The following DYNLRB1 variants were observed in gnomAD, a reference collection of about 807,000 sequenced individuals.
DYNLRB1 encodes dynein light chain roadblock-type 1, also known as ROBL/LC7-like 1.
Under a neutral mutation model 13.5 loss-of-function variants are expected in DYNLRB1, and 6 were observed. That is an observed-to-expected ratio of 0.44 (90% CI 0.24 to 0.88). DYNLRB1 has a LOEUF of 0.88. DYNLRB1 is among the 40% of genes least tolerant of loss of function. The pLI, the probability that DYNLRB1 is intolerant of heterozygous loss-of-function variation, is 0.21. For synonymous variants in DYNLRB1, 43 were observed against 45.0 expected (o/e 0.96, Z 0.18); for missense variants, 93 against 127.2 (o/e 0.73, Z 1.29).
intron 3 of DYNLRB1, 21 bp downstream of exon 3, chr20:34,534,816 C>G (rs1217261616): frequency 6.2e-7 from 1 of 1,613,874 alleles, no homozygotes; most frequent in Non-Finnish European, 8.5e-7. Flanking sequence ...TTCTACCTCC[C>G]CATGTAGGAA....
rs1443005986 is a variant in DYNLRB1, at chr20:34,528,185, G to A, written c.79+1842G>A. 3.3e-5 allele frequency among the ~76,000 whole-genome samples: 3 copies of A among 91,222 alleles called. 1 individual carries two copies. The highest frequency in any genetic ancestry group is 7.0e-5 in the Non-Finnish European group (3 of 42,936). 59.8% of individuals were successfully genotyped at this position (91,222 alleles called of 152,430 possible). A position where few individuals can be genotyped will look rare whatever the true frequency, so the allele number is the denominator to read the frequency against. Reference sequence around the variant, plus strand: ...AAATTAGCCGGGCGTAGTGGCGGGCGCCTGTAGTCCCAGCTACTTGGGAGG... The same window carrying A: ...AAATTAGCCGGGCGTAGTGGCGGGCACCTGTAGTCCCAGCTACTTGGGAGG... On this transcript the variant is annotated intron_variant, in intron 2 of 3. Transcript: ENST00000357156.
At chr20:34,526,561 G>A (rs1980242765) in intron 2 of DYNLRB1, 2 of 523,326 alleles carry the variant, frequency 3.8e-6, no homozygotes, top group Non-Finnish European at 6.7e-6. Context: ...AAAGAAATCG[G>A]TAACTGGTTG....
At chr20:34,516,398 G>A (rs1194403439), upstream of DYNLRB1, 24 of 1,600,228 alleles carry the variant, frequency 1.5e-5, no homozygotes, top group Non-Finnish European at 2.0e-5. Context: ...CTTTGCGCAG[G>A]CGCAGAAAGG....
chr20:34,534,512 C>T lies in DYNLRB1; in HGVS notation c.80-116C>T, dbSNP rs909897160. On this transcript the variant is annotated intron_variant, in intron 2 of 3. Transcript: ENST00000357156. The stretch of plus-strand genomic sequence containing the variant: ...TGCCTGTCACATAGCAAGCCCTCTG[C>T]GGATGGTGGCATTGACTGAGAACTG... 2.4e-5 allele frequency: 31 copies of T among 1,289,428 alleles called. No homozygotes were observed. The African/African-American group carries it at 2.7e-4, about 11-fold the overall frequency. 79.9% of individuals were successfully genotyped at this position (1,289,428 alleles called of 1,614,324 possible). A position where few individuals can be genotyped will look rare whatever the true frequency, so the allele number is the denominator to read the frequency against.
chr20:34,530,094 C>T lies in DYNLRB1; in HGVS notation c.79+3751C>T, dbSNP rs939854893. The T allele has an allele frequency of 5.7e-6, 7 of 1,238,068 alleles. No homozygotes were observed. In the African/African-American group the frequency reaches 1.1e-4, roughly 19 times the overall value. 76.7% of individuals were successfully genotyped at this position (1,238,068 alleles called of 1,614,324 possible). A position where few individuals can be genotyped will look rare whatever the true frequency, so the allele number is the denominator to read the frequency against. On this transcript the variant is annotated intron_variant, in intron 2 of 3. Transcript: ENST00000357156. ...ACATTTTGACTCCAAGGAGACAACC[C>T]CAGGGGCCAACAGCCCCAGCTGTGA...
At chr20:34,539,409 G>A (rs1981412791) in intron 3 of DYNLRB1, among the ~76,000 whole-genome samples, 1 of 152,198 alleles carries the variant, frequency 6.6e-6, no homozygotes, top group East Asian at 1.9e-4. Flanking sequence ...GCTGGGTGTG[G>A]TTGCTCACAC....
At chr20:34,529,835 G>A (rs1220310374) in intron 2 of DYNLRB1, 4 of 1,501,860 alleles carry the variant, frequency 2.7e-6, no homozygotes, top group Non-Finnish European at 3.6e-6. Context: ...TAAACCATGT[G>A]GTCATTTCAT....
intron 3 of DYNLRB1, among the ~76,000 whole-genome samples, chr20:34,539,924 C>T (rs1981447715): frequency 6.6e-6 from 1 of 152,036 alleles, no homozygotes; most frequent in African/African-American, 2.4e-5. Flanking sequence ...GAGTCATGAT[C>T]GCACCACTGT....
At chr20:34,535,980 A>G in intron 3 of DYNLRB1, 1 of 985,382 alleles carries the variant, frequency 1.0e-6, no homozygotes, top group Non-Finnish European at 1.2e-6. Flanking sequence ...CACTCCCTGC[A>G]GCAGACCAGC....
chr20:34,522,124 G>A (rs887695979), intron 1 of DYNLRB1, among the ~76,000 whole-genome samples: 4 of 152,152 alleles, frequency 2.6e-5, no homozygotes, highest in African/African-American at 4.8e-5. Context: ...CCTGTATCCT[G>A]CAAGAATCTT....
At chr20:34,529,892 G>GC in intron 2 of DYNLRB1, 1 of 1,522,944 alleles carries the variant, frequency 6.6e-7, no homozygotes, top group South Asian at 1.2e-5. Context: ...ACAGGAGCAG[G>GC]CCCCCTGCTC....
intron 2 of DYNLRB1, chr20:34,530,122 C>A (rs1036828817): frequency 1.6e-6 from 2 of 1,229,098 alleles, no homozygotes; most frequent in Admixed American, 4.2e-5. Flanking sequence ...AGCTGTGACC[C>A]CCAGGCTTCC....
At chr20:34,537,985 C>CTTTTTTTT (rs67763754) in intron 3 of DYNLRB1, among the ~76,000 whole-genome samples, 39 of 94,868 alleles carry the variant, frequency 4.1e-4, no homozygotes, top group East Asian at 9.8e-4. Context: ...CGTGAACAGG[C>CTTTTTTTT]TTTTTTTTTT....
chr20:34,534,715 C>T lies in DYNLRB1; in HGVS notation c.167C>T (p.Thr56Ile), dbSNP rs200772275. The change falls in exon 3 of 4, where the codon ACC becomes ATC. Residue 56 changes from threonine to isoleucine, a missense_variant. Coordinates refer to ENST00000357156, the MANE Select transcript of DYNLRB1 (RefSeq NM_014183.4). ...MHSFILKARS[T>I]VRDIDPQNDL... Reference sequence around the variant, plus strand: ...AGCTTCATCCTGAAGGCACGGAGCACCGTGCGTGACATCGACCCCCAGAAC... The same window carrying T: ...AGCTTCATCCTGAAGGCACGGAGCATCGTGCGTGACATCGACCCCCAGAAC... The T allele has an allele frequency of 6.2e-7, 1 of 1,613,084 alleles. No individual in the cohort carries two copies. Among genetic ancestry groups the T allele is most frequent in the South Asian group, 1.1e-5 (1 of 90,944 alleles).
intron 3 of DYNLRB1, among the ~76,000 whole-genome samples, chr20:34,536,908 C>A (rs1037975065): frequency 1.3e-5 from 2 of 152,074 alleles, no homozygotes; most frequent in Non-Finnish European, 2.9e-5. Context: ...AGACAGTGTC[C>A]CTTGGCATAA....
chr20:34,538,454 A>G (rs1242348545), intron 3 of DYNLRB1, among the ~76,000 whole-genome samples: 1 of 152,056 alleles, frequency 6.6e-6, no homozygotes, highest in Non-Finnish European at 1.5e-5. Context: ...AACAAAAAAA[A>G]CAGACTTCTA....
intron 3 of DYNLRB1, chr20:34,536,202 G>A (rs1156469697): frequency 1.0e-6 from 1 of 985,294 alleles, no homozygotes. Flanking sequence ...AAGACTGCAG[G>A]AGGCACAGAA....
intron 1 of DYNLRB1, among the ~76,000 whole-genome samples, chr20:34,522,898 G>T (rs1337831868): frequency 6.6e-6 from 1 of 152,164 alleles, no homozygotes; most frequent in African/African-American, 2.4e-5. Context: ...ACTTAAAAAG[G>T]TTGATTTCGT....
intron 2 of DYNLRB1, among the ~76,000 whole-genome samples, chr20:34,534,273 T>C (rs1980947708): frequency 6.6e-6 from 1 of 152,198 alleles, no homozygotes; most frequent in South Asian, 2.1e-4. Context: ...AGAGCTAGTC[T>C]CTCCTTTTAC....
Sources: allele counts gnomAD v4.1 joint callset (sites outside exome capture counted in the v4.1 genomes callset), GRCh38; gene constraint gnomAD v4.1.1; transcripts MANE v1.5; gene names NCBI Gene and HGNC (gene_info 2026-07-23, HGNC 2026-07-21).